The following CFAP221 variants were observed in gnomAD, a reference collection of about 807,000 sequenced individuals.
CFAP221 encodes cilia and flagella associated protein 221.
Under a neutral mutation model 113.1 loss-of-function variants are expected in CFAP221, and 97 were observed. That is an observed-to-expected ratio of 0.86 (90% confidence interval 0.73 to 1.02). CFAP221 has a LOEUF of 1.02. Among genes scored for constraint, CFAP221 ranks in the 50% least tolerant of loss-of-function variants. The probability of loss-of-function intolerance (pLI) is 0.00; values close to 1 mark genes in which losing one functional copy is unlikely to be tolerated. For missense variants in CFAP221, 1,025 were observed against 1,013.4 expected, an observed-to-expected ratio of 1.01 and a Z score of -0.16; for synonymous variants, 331 against 354.4, an observed-to-expected ratio of 0.93 and a Z score of 0.74.
downstream of CFAP221, among the ~76,000 whole-genome samples, chr2:119,657,667 G>A (rs150779003): frequency 1.5e-4 from 23 of 152,260 alleles, no homozygotes; most frequent in East Asian, 7.7e-4. Flanking sequence ...AGTAATGTCC[G>A]TTCAGTGTTC....
chr2:119,585,368 C>A (rs1049626451), intron 6 of CFAP221, among the ~76,000 whole-genome samples: 2 of 152,124 alleles, frequency 1.3e-5, no homozygotes, highest in African/African-American at 2.4e-5. Flanking sequence ...AAATTAGAGA[C>A]ATGCCATGTT....
At chr2:119,656,976 C>T (rs1200684987), downstream of CFAP221, among the ~76,000 whole-genome samples, 2 of 152,122 alleles carry the variant, frequency 1.3e-5, no homozygotes, top group East Asian at 3.9e-4. Context: ...GTGACTAGAG[C>T]TTGCACCAGT....
intron 6 of CFAP221, among the ~76,000 whole-genome samples, chr2:119,567,219 T>C (rs967221050): frequency 6.6e-6 from 1 of 152,158 alleles, no homozygotes; most frequent in Non-Finnish European, 1.5e-5. Context: ...ATGTCCACCA[T>C]TGTAGTATCA....
intron 6 of CFAP221, among the ~76,000 whole-genome samples, chr2:119,575,533 T>TA (rs1682382699): frequency 6.6e-6 from 1 of 152,194 alleles, no homozygotes; most frequent in South Asian, 2.1e-4. Flanking sequence ...ATGAAGTATT[T>TA]AGAGTAGTCA....
At chr2:119,597,174 C>G (rs1684041537) in intron 7 of CFAP221, among the ~76,000 whole-genome samples, 1 of 152,152 alleles carries the variant, frequency 6.6e-6, no homozygotes, top group Non-Finnish European at 1.5e-5. Flanking sequence ...TATCCCAGAC[C>G]CTGTACATTA....
chr2:119,608,442 C>G, intron 11 of CFAP221, 60 bp from the exon 12 acceptor site: 1 of 1,299,526 alleles, frequency 7.7e-7, no homozygotes, highest in Non-Finnish European at 1.1e-6. Context: ...ATATTCCATC[C>G]TAAAGTTGAC....
chr2:119,613,015 A>G (rs1209148991), intron 13 of CFAP221, among the ~76,000 whole-genome samples: 1 of 152,244 alleles, frequency 6.6e-6, no homozygotes, highest in Non-Finnish European at 1.5e-5. Context: ...ATTGGCCAAA[A>G]CAAAGGGGCT....
chr2:119,651,493 GAAAA>G (rs60171203), intron 22 of CFAP221, among the ~76,000 whole-genome samples: 1 of 147,976 alleles, frequency 6.8e-6, no homozygotes. Flanking sequence ...CAAAAAGATC[GAAAA>G]AAAAAAAAAA....
Position 119,602,715 on chromosome 2 carries a change from T to G in CFAP221, c.791+1338T>G. 9 of 985,446 alleles carry G rather than the reference T, an allele frequency of 9.1e-6. No individual in the cohort carries two copies. In the South Asian group the frequency reaches 4.2e-4, roughly 46 times the overall value. 61.0% of individuals were successfully genotyped at this position (985,446 alleles called of 1,614,324 possible). On this transcript the variant is annotated intron_variant, in intron 8 of 23. Transcript: ENST00000413369. ...CACTCGGGCAACAAACAAGTAGAAC[T>G]GAACACAAATTTTAAAACTGCTGAT...
In CFAP221 at chr2:119,559,971, C is replaced by A. The variant is rs1347578340; in HGVS notation, c.371C>A (p.Thr124Lys). 6.5e-7 allele frequency: 1 copy of A among 1,528,080 alleles called. No individual in the cohort carries two copies. Among genetic ancestry groups the A allele is most frequent in the African/African-American group, 1.4e-5 (1 of 72,448 alleles). 94.7% of individuals were successfully genotyped at this position (1,528,080 alleles called of 1,614,324 possible). A position where few individuals can be genotyped will look rare whatever the true frequency, so the allele number is the denominator to read the frequency against. The change falls in exon 5 of 24, where the codon ACA becomes AAA. Residue 124 changes from threonine (T) to lysine (K), a missense_variant. By Grantham distance (78) the Thr-to-Lys change is moderately conservative. Transcript: ENST00000413369. ...GGCTTGTCCCTCACGGTCACCGTTA[C>A]ATTTTCTCCAGATGAGTGGCGATAC... ...VPGLSLTVTV[T>K]FSPDEWRYYY...
At position 119,625,644 on chromosome 2, in the gene CFAP221, G is replaced by A. The variant is rs1166488329; in HGVS notation, c.1472G>A (p.Ser491Asn). The change falls in exon 15 of 24, where the codon AGT becomes AAT. Residue 491 changes from serine to asparagine, a missense_variant. Coordinates refer to ENST00000413369, the MANE Select transcript of CFAP221 (RefSeq NM_001271049.2). ...LSAVREMDKE[S>N]ILRKIGQAKQ... Reference sequence around the variant, plus strand: ...GCTGTTCGTGAAATGGACAAAGAGAGTATACTGAGAAAGATTGGCCAAGCA... The same window carrying A: ...GCTGTTCGTGAAATGGACAAAGAGAATATACTGAGAAAGATTGGCCAAGCA... 2 of 1,613,918 alleles carry A rather than the reference G, an allele frequency of 1.2e-6. No individual in the cohort carries two copies. Among genetic ancestry groups the A allele is most frequent in the Non-Finnish European group, 1.7e-6 (2 of 1,179,768 alleles).
Position 119,637,360 on chromosome 2 carries a change from C to T in CFAP221, c.1975-899C>T, listed in dbSNP as rs1489390986. On this transcript the variant is annotated intron_variant, in intron 19 of 23. Transcript: ENST00000413369. The stretch of plus-strand genomic sequence containing the variant: ...CACCGCTGGGCCCTCCCCTACCTTG[C>T]ATCTGGGTGCCGGAATGCATTCAGG... Among the ~76,000 whole-genome samples, 4 of 152,304 alleles carry T rather than the reference C, an allele frequency of 2.6e-5. No individual in the cohort carries two copies. In the East Asian group the frequency reaches 7.7e-4, roughly 29 times the overall value.
intron 3 of CFAP221, among the ~76,000 whole-genome samples, chr2:119,551,804 T>C (rs1009679227): frequency 6.6e-6 from 1 of 152,232 alleles, no homozygotes; most frequent in Non-Finnish European, 1.5e-5. Flanking sequence ...GGGTTTTTGA[T>C]GGGAATTGCA....
Position 119,608,535 on chromosome 2 carries a change from T to C in CFAP221, c.1167T>C (p.Phe389=). The part of the protein sequence containing the change: ...QVHLGKDPMS[F]KLKKELTEEW... The stretch of plus-strand genomic sequence containing the variant: ...ACCTTGGTAAAGATCCTATGTCTTT[T>C]AAACTTAAAAAAGAGCTTACTGAAG... Residue 389 remains phenylalanine, a synonymous_variant, in exon 12 of 24, where the codon TTT becomes TTC. Coordinates refer to ENST00000413369, the MANE Select transcript of CFAP221 (RefSeq NM_001271049.2). 6.2e-7 allele frequency: 1 copy of C among 1,613,850 alleles called. No homozygotes were observed. The highest frequency in any genetic ancestry group is 1.1e-5 in the South Asian group (1 of 91,040).
At position 119,629,863 on chromosome 2, in the gene CFAP221, T is replaced by G; in HGVS notation, c.1651-12T>G. ...GGTGATTGTTCTCTTTTTTTCTCCTTTCACATTTTAGGCTCCTGATGGCCT... is the reference window on the plus strand; with the variant it reads ...GGTGATTGTTCTCTTTTTTTCTCCTGTCACATTTTAGGCTCCTGATGGCCT... On this transcript the variant is annotated splice_polypyrimidine_tract_variant and intron_variant, in intron 16 of 23. Transcript: ENST00000413369. The G allele has an allele frequency of 1.2e-6, 2 of 1,600,828 alleles. No individual in the cohort carries two copies. The highest frequency in any genetic ancestry group is 1.7e-6 in the Non-Finnish European group (2 of 1,170,618).
intron 20 of CFAP221, among the ~76,000 whole-genome samples, chr2:119,639,423 G>A (rs903477015): frequency 3.9e-5 from 6 of 152,172 alleles, no homozygotes; most frequent in African/African-American, 1.4e-4. Context: ...TCTCCTGCCT[G>A]GAGTGCTGCT....
intron 3 of CFAP221, among the ~76,000 whole-genome samples, chr2:119,553,865 A>G (rs1227691102): frequency 6.6e-6 from 1 of 152,160 alleles, no homozygotes; most frequent in African/African-American, 2.4e-5. Flanking sequence ...AAGGCACCCA[A>G]CAAGCCCTTG....
chr2:119,554,842 G>A (rs1680676675), intron 3 of CFAP221, among the ~76,000 whole-genome samples: 1 of 152,228 alleles, frequency 6.6e-6, no homozygotes, highest in Non-Finnish European at 1.5e-5. Flanking sequence ...AAGGCTGCTT[G>A]AATTTGTCCT....
chr2:119,658,590 A>G (rs1448731188), downstream of CFAP221, among the ~76,000 whole-genome samples: 1 of 152,014 alleles, frequency 6.6e-6, no homozygotes, highest in Non-Finnish European at 1.5e-5. Flanking sequence ...TAGAAAATAC[A>G]AGTATTTATA....
Sources: gnomAD v4.1 joint callset for allele counts (sites outside exome capture counted in the v4.1 genomes callset) on GRCh38, gnomAD v4.1.1 for gene constraint, MANE v1.5 for transcripts, NCBI Gene and HGNC (gene_info 2026-07-23, HGNC 2026-07-21) for gene names.